Variants in TTC23 observed in about 807,000 individuals in gnomAD.
TTC23 encodes the protein tetratricopeptide repeat domain 23.
Under a neutral mutation model 55.1 loss-of-function variants are expected in TTC23, and 58 were observed. The ratio of observed to expected loss-of-function variants is 1.05; its 90% CI spans 0.85 to 1.31. TTC23 has a LOEUF of 1.31. TTC23 is among the 50% of genes most tolerant of loss of function. TTC23 has a pLI of 0.00. For synonymous variants in TTC23, 203 were observed against 199.9 expected, an observed-to-expected ratio of 1.02 and a Z score of -0.13; for missense variants, 516 against 534.4, an observed-to-expected ratio of 0.97 and a Z score of 0.34.
intron 12 of TTC23, among the ~76,000 whole-genome samples, chr15:99,141,837 T>G (rs1184958073): frequency 2.0e-5 from 3 of 152,220 alleles, no homozygotes; most frequent in Non-Finnish European, 4.4e-5. Context: ...ATTTTTTAAA[T>G]AACAGAAAAT....
intron 8 of TTC23, among the ~76,000 whole-genome samples, chr15:99,208,630 A>G (rs1441951967): frequency 6.6e-6 from 1 of 152,210 alleles, no homozygotes; most frequent in Non-Finnish European, 1.5e-5. Context: ...AATGGAGGCT[A>G]TCAAGCTAAT....
chr15:99,228,354 C>T lies in TTC23; in HGVS notation c.180+179G>A, dbSNP rs139661506. 3,249 of 475,378 alleles carry T rather than the reference C, an allele frequency of 6.8e-3. 14 individuals carry two copies. The highest frequency in any genetic ancestry group is 9.2e-3 in the Non-Finnish European group (2,552 of 278,474). 29.4% of individuals were successfully genotyped at this position (475,378 alleles called of 1,614,324 possible). ...TATTTGTTGTTGGCCATGCGAACTG[C>T]TGTGCTTGGAGCCTAGAGGTACTGC... On this transcript the variant is annotated intron_variant, in intron 5 of 13. Transcript: ENST00000394132.
At chr15:99,180,631 C>T (rs2074024732) in intron 9 of TTC23, among the ~76,000 whole-genome samples, 1 of 152,240 alleles carries the variant, frequency 6.6e-6, no homozygotes, top group Non-Finnish European at 1.5e-5. Context: ...ACCCCATCAT[C>T]TGAACACTCA....
At chr15:99,216,813 T>TA (rs1230479523) in intron 8 of TTC23, among the ~76,000 whole-genome samples, 1 of 152,142 alleles carries the variant, frequency 6.6e-6, no homozygotes, top group Non-Finnish European at 1.5e-5. Flanking sequence ...TTGGTGAACT[T>TA]AAAGTCTGTT....
At chr15:99,217,360 T>C (rs971377380) in intron 8 of TTC23, among the ~76,000 whole-genome samples, 8 of 152,172 alleles carry the variant, frequency 5.3e-5, no homozygotes, top group African/African-American at 1.9e-4. Context: ...GGTTTCACCA[T>C]GTTTGTCAGG....
At chr15:99,144,882 G>T (rs2068649683) in intron 12 of TTC23, 1 of 152,206 alleles carries the variant, frequency 6.6e-6, no homozygotes, top group Non-Finnish European at 1.5e-5. Flanking sequence ...AAATTACTCA[G>T]AAACTTGAAA....
At chr15:99,238,724 T>C (rs1397040890) in intron 3 of TTC23, among the ~76,000 whole-genome samples, 1 of 152,116 alleles carries the variant, frequency 6.6e-6, no homozygotes. Flanking sequence ...TTGAGGAGGG[T>C]TATTGACAGA....
At chr15:99,193,320 A>T (rs915684035) in intron 9 of TTC23, among the ~76,000 whole-genome samples, 2 of 152,202 alleles carry the variant, frequency 1.3e-5, no homozygotes, top group African/African-American at 4.8e-5. Flanking sequence ...CCCAAATCTC[A>T]TCTTGTAGTT....
chr15:99,146,126 T>C (rs2068829764), intron 12 of TTC23, among the ~76,000 whole-genome samples: 1 of 152,184 alleles, frequency 6.6e-6, no homozygotes, highest in Admixed American at 6.5e-5. Flanking sequence ...CCACCATCCT[T>C]CTCCACAACG....
In TTC23 at chr15:99,200,010, G is replaced by C. The variant is rs1439965151; in HGVS notation, c.668C>G (p.Thr223Arg). 2 of 1,613,868 alleles carry C rather than the reference G, an allele frequency of 1.2e-6. No individual in the cohort carries two copies. Among genetic ancestry groups the C allele is most frequent in the East Asian group, 2.2e-5 (1 of 44,886 alleles). The change falls in exon 9 of 14, where the codon ACA becomes AGA. Residue 223 changes from threonine (T) to arginine (R), a missense_variant. Physicochemically the swap from Thr to Arg is moderately conservative, Grantham distance 71 (BLOSUM62 -1). Coordinates refer to ENST00000394132, the MANE Select transcript of TTC23 (RefSeq NM_001288615.3). The stretch of plus-strand genomic sequence containing the variant: ...CAATATGGGTACACACTCACGACTT[G>C]TTTCACCTTTACTGATCTCAACATA... ...LEYVEISKGE[T>R]SRECVPILRE...
intron 9 of TTC23, among the ~76,000 whole-genome samples, chr15:99,185,992 G>A (rs1301680535): frequency 6.6e-6 from 1 of 152,152 alleles, no homozygotes; most frequent in East Asian, 1.9e-4. Context: ...AAACAACAGG[G>A]AAAAATAACA....
intron 9 of TTC23, among the ~76,000 whole-genome samples, chr15:99,177,038 T>C (rs2073643785): frequency 6.6e-6 from 1 of 152,228 alleles, no homozygotes; most frequent in Non-Finnish European, 1.5e-5. Flanking sequence ...TTGAGCATTC[T>C]AGTCTGGACC....
chr15:99,205,419 A>G (rs765023516), intron 8 of TTC23, among the ~76,000 whole-genome samples: 3 of 152,042 alleles, frequency 2.0e-5, no homozygotes, highest in Non-Finnish European at 4.4e-5. Flanking sequence ...GGCACTTCCA[A>G]TCCATGAACA....
At chr15:99,235,242 C>T (rs184167721) in intron 3 of TTC23, among the ~76,000 whole-genome samples, 162 bp from the exon 4 acceptor site, 4 of 151,798 alleles carry the variant, frequency 2.6e-5, no homozygotes, top group African/African-American at 9.7e-5. Flanking sequence ...AGGAAGACAC[C>T]ATCTCAAAAA....
rs2077746638 is a variant in TTC23 at position 99,219,610 on chromosome 15, A to G, written c.305-562T>C. Among the ~76,000 whole-genome samples the G allele has an allele frequency of 2.6e-5, 4 of 152,174 alleles. No individual in the cohort carries two copies. In the South Asian group the frequency reaches 6.2e-4, roughly 24 times the overall value. On this transcript the variant is annotated intron_variant, in intron 6 of 13. Coordinates refer to ENST00000394132, the MANE Select transcript of TTC23 (RefSeq NM_001288615.3). ...ATTTCATCTTCCTATGTGGTAAGAG[A>G]CTAATATGAAACAAAGTGGAGCAAA...
intron 12 of TTC23, among the ~76,000 whole-genome samples, chr15:99,146,054 C>T (rs1254214458): frequency 6.6e-6 from 1 of 152,216 alleles, no homozygotes; most frequent in East Asian, 1.9e-4. Context: ...ATGTCCTTAT[C>T]GACATCCCTT....
intron 8 of TTC23, among the ~76,000 whole-genome samples, chr15:99,215,215 T>A (rs990953610): frequency 2.6e-5 from 4 of 152,084 alleles, no homozygotes; most frequent in African/African-American, 9.7e-5. Context: ...GGGTTCTTTG[T>A]AGACTTCAGA....
intron 6 of TTC23, among the ~76,000 whole-genome samples, chr15:99,220,250 T>G (rs2077811977): frequency 6.6e-6 from 1 of 152,176 alleles, no homozygotes; most frequent in Admixed American, 6.5e-5. Context: ...TACCCACCTT[T>G]GAGGACTGTG....
intron 10 of TTC23, among the ~76,000 whole-genome samples, chr15:99,172,603 C>T (rs1172255350): frequency 6.6e-6 from 1 of 152,144 alleles, no homozygotes; most frequent in Non-Finnish European, 1.5e-5. Context: ...GGTTATGGGC[C>T]CTTGGAAAAA....
Sources: gnomAD v4.1 joint callset for allele counts (sites outside exome capture counted in the v4.1 genomes callset) on GRCh38, gnomAD v4.1.1 for gene constraint, MANE v1.5 for transcripts, NCBI Gene and HGNC (gene_info 2026-07-23, HGNC 2026-07-21) for gene names.